Variants in HP1BP3 observed in about 807,000 individuals in gnomAD.
The protein encoded by HP1BP3 is heterochromatin protein 1 binding protein 3.
A neutral mutation model predicts 62.5 loss-of-function variants in HP1BP3; 12 were observed. The observed-to-expected ratio is 0.19, with a 90% CI of 0.12 to 0.31. The LOEUF is 0.31. Among genes scored for constraint, HP1BP3 ranks in the 10% least tolerant of loss-of-function variants. The pLI, the probability that HP1BP3 is intolerant of heterozygous loss-of-function variation, is 1.00. For missense variants in HP1BP3, 502 were observed against 651.8 expected (o/e 0.77, Z 2.50); for synonymous variants, 260 against 237.8 (o/e 1.09, Z -0.86).
Position 20,744,981 on chromosome 1 carries a change from G to A in HP1BP3, c.1478C>T (p.Pro493Leu). ...VSAAQRGKAR[P>L]LPKKAPPKAK... The stretch of plus-strand genomic sequence containing the variant: ...CTTAGGAGGTGCTTTCTTAGGCAAG[G>A]GCCTAGCTTTCCCCCGCTGGGCAGC... The change falls in exon 13 of 13, where the codon CCC becomes CTC. Residue 493 changes from proline (P) to leucine (L), a missense_variant. Pro to Leu is a moderately conservative substitution (Grantham distance 98, BLOSUM62 -3). This residue lies in a region of HP1BP3 where 194 missense variants were observed against 207.0 expected (regional missense o/e 0.94). Coordinates refer to ENST00000438032, the MANE Select transcript of HP1BP3 (RefSeq NM_001372052.1). 1.2e-6 allele frequency: 2 copies of A among 1,614,132 alleles called. No homozygotes were observed. Among genetic ancestry groups the A allele is most frequent in the Non-Finnish European group, 1.7e-6 (2 of 1,180,034 alleles).
chr1:20,765,000 C>T (rs2056704326), intron 8 of HP1BP3, among the ~76,000 whole-genome samples: 1 of 151,500 alleles, frequency 6.6e-6, no homozygotes, highest in African/African-American at 2.4e-5. Context: ...GAAACCTTGG[C>T]TCTACTAAAA....
intron 1 of HP1BP3, among the ~76,000 whole-genome samples, chr1:20,785,325 G>C (rs1425803924): frequency 6.6e-6 from 1 of 152,234 alleles, no homozygotes; most frequent in Non-Finnish European, 1.5e-5. Context: ...AAAGTGAGGA[G>C]TTTAACAACG....
intron 10 of HP1BP3, among the ~76,000 whole-genome samples, chr1:20,748,171 G>A (rs1264502232): frequency 6.6e-6 from 1 of 151,908 alleles, no homozygotes; most frequent in East Asian, 1.9e-4. Flanking sequence ...CTAAAACTAA[G>A]TATTTAATTA....
rs1286650893 is a variant in HP1BP3 at position 20,746,186 on chromosome 1, A to ATATGTGTGTGTGTGTGTG, written c.1254-531_1254-530insCACACACACACACACATA. On this transcript the variant is annotated intron_variant, in intron 11 of 12. Coordinates refer to ENST00000438032, the MANE Select transcript of HP1BP3 (RefSeq NM_001372052.1). Reference sequence around the variant, plus strand: ...CTTAAATGATAACATACATACATATATGTGTGTGTGTGTGTGTGTGTGTGT... The same window carrying ATATGTGTGTGTGTGTGTG: ...CTTAAATGATAACATACATACATATATATGTGTGTGTGTGTGTGTGTGTGTGTGTGTGTGTGTGTGTGT... Among the ~76,000 whole-genome samples the ATATGTGTGTGTGTGTGTG allele has an allele frequency of 4.5e-3, 643 of 143,226 alleles. 4 individuals carry two copies. The highest frequency in any genetic ancestry group is 0.016 in the African/African-American group (605 of 37,126). 94.0% of individuals were successfully genotyped at this position (143,226 alleles called of 152,430 possible). A position where few individuals can be genotyped will look rare whatever the true frequency, so the allele number is the denominator to read the frequency against.
chr1:20,749,423 A>G (rs2055569952), intron 10 of HP1BP3, among the ~76,000 whole-genome samples: 1 of 150,992 alleles, frequency 6.6e-6, no homozygotes, highest in Non-Finnish European at 1.5e-5. Context: ...CAATGGTGCA[A>G]TCTCGGCTCA....
At chr1:20,786,850 G>A (rs1331076104) in intron 1 of HP1BP3, among the ~76,000 whole-genome samples, 3 of 152,118 alleles carry the variant, frequency 2.0e-5, no homozygotes, top group African/African-American at 4.8e-5. Context: ...GCGGGCAGAG[G>A]ACGCCGACGC....
At position 20,776,650 on chromosome 1, in the gene HP1BP3, T is replaced by A; in HGVS notation, c.297A>T (p.Glu99Asp). The change falls in exon 4 of 13, where the codon GAA becomes GAT. Residue 99 changes from glutamate to aspartate, a missense_variant. Around this residue, in one of 5 missense-constraint regions of HP1BP3, gnomAD observed 165 missense variants for 156.4 expected, o/e 1.05. Coordinates refer to ENST00000438032, the MANE Select transcript of HP1BP3 (RefSeq NM_001372052.1). ...TTTCTTCCTTCTCTTCATTCTCAGG[T>A]TCCCCCTTTGGCTGCTCTGCCTCAC... ...TSSEAEQPKG[E>D]PENEEKEENK... 1 of 1,613,998 alleles carries A rather than the reference T, an allele frequency of 6.2e-7. No homozygotes were observed. Among genetic ancestry groups the A allele is most frequent in the Non-Finnish European group, 8.5e-7 (1 of 1,179,918 alleles).
At chr1:20,750,047 T>C (rs2055609735) in intron 9 of HP1BP3, 165 bp from the exon 10 acceptor site, 2 of 1,357,518 alleles carry the variant, frequency 1.5e-6, no homozygotes, top group South Asian at 1.6e-5. Flanking sequence ...CAACAGGTAT[T>C]CAATCTAACT....
intron 9 of HP1BP3, among the ~76,000 whole-genome samples, chr1:20,751,748 A>C (rs2055768451): frequency 6.6e-6 from 1 of 152,090 alleles, no homozygotes; most frequent in South Asian, 2.1e-4. Context: ...AACTAAAAAA[A>C]AAAAAAAGTA....
intron 1 of HP1BP3, among the ~76,000 whole-genome samples, chr1:20,781,905 C>G (rs2057568867): frequency 6.6e-6 from 1 of 152,200 alleles, no homozygotes; most frequent in Non-Finnish European, 1.5e-5. Flanking sequence ...GGATGGCAGG[C>G]GTGACCCACC....
chr1:20,786,860 C>G (rs1442646315), intron 1 of HP1BP3, among the ~76,000 whole-genome samples: 1 of 152,144 alleles, frequency 6.6e-6, no homozygotes, highest in African/African-American at 2.4e-5. Context: ...GACGCCGACG[C>G]AGGCGCGCTG....
At chr1:20,755,695 T>G (rs955222205) in intron 9 of HP1BP3, among the ~76,000 whole-genome samples, 1 of 152,178 alleles carries the variant, frequency 6.6e-6, no homozygotes, top group African/African-American at 2.4e-5. Flanking sequence ...TAAATGTTCA[T>G]AGGCAGTATT....
chr1:20,765,526 C>T lies in HP1BP3; in HGVS notation c.741G>A (p.Arg247=), dbSNP rs2056736591. 6.2e-7 allele frequency: 1 copy of T among 1,610,728 alleles called. No individual in the cohort carries two copies. The highest frequency in any genetic ancestry group is 8.5e-7 in the Non-Finnish European group (1 of 1,178,180). Residue 247 remains arginine, a synonymous_variant, in exon 8 of 13, where the codon AGG becomes AGA. Coordinates refer to ENST00000438032, the MANE Select transcript of HP1BP3 (RefSeq NM_001372052.1). ...TPQKSRNRKN[R]SSAVDPEPQV... is the part of the protein sequence containing the mutation. ...GTGGTTCTGGATCCACTGCAGAGCT[C>T]CTATTCTGAAAAGTAATTATCAAAA...
chr1:20,745,560 C>T lies in HP1BP3; in HGVS notation c.1350G>A (p.Glu450=). The T allele has an allele frequency of 6.2e-7, 1 of 1,614,134 alleles. No homozygotes were observed. Among genetic ancestry groups the T allele is most frequent in the Admixed American group, 1.7e-5 (1 of 60,028 alleles). ...GTCCACACCTTCTCTTAGGTGGCGG[C>T]TCTTCATCCTCAGAGTCTTCTTCTG... ...ESSEEDSEDE[E]PPPKRRLQKK... Residue 450 remains glutamate (E), a synonymous_variant, in exon 12 of 13, where the codon GAG becomes GAA. Coordinates refer to ENST00000438032, the MANE Select transcript of HP1BP3 (RefSeq NM_001372052.1).
chr1:20,767,892 T>C (rs2056863679), intron 6 of HP1BP3, among the ~76,000 whole-genome samples: 2 of 152,198 alleles, frequency 1.3e-5, no homozygotes, highest in Admixed American at 6.5e-5. Flanking sequence ...CTCTGAGCTT[T>C]TGTTTTCTCA....
chr1:20,777,760 A>G (rs2057369622), intron 3 of HP1BP3, among the ~76,000 whole-genome samples: 1 of 152,172 alleles, frequency 6.6e-6, no homozygotes, highest in Non-Finnish European at 1.5e-5. Flanking sequence ...GCCCAGCTAT[A>G]AAGAGAATTT....
rs149049778 is a variant in HP1BP3 at position 20,757,435 on chromosome 1, G to A, written c.891-179C>T. Among the ~76,000 whole-genome samples, 82 of 150,444 alleles carry A rather than the reference G, an allele frequency of 5.5e-4. 1 individual carries two copies. The highest frequency in any genetic ancestry group is 2.0e-3 in the African/African-American group (82 of 40,852). ...TGCCCAGGCTGGAGTGCAATGGCAC[G>A]ATATTGGCTCACTGCAACCTTCACT... On this transcript the variant is annotated intron_variant, in intron 8 of 12. Coordinates refer to ENST00000438032, the MANE Select transcript of HP1BP3 (RefSeq NM_001372052.1).
Position 20,744,748 on chromosome 1 carries a change from G to GA in HP1BP3, c.*48dup. On this transcript the variant is annotated 3_prime_UTR_variant, in exon 13 of 13. Coordinates refer to ENST00000438032, the MANE Select transcript of HP1BP3 (RefSeq NM_001372052.1). The stretch of plus-strand genomic sequence containing the variant: ...ACTAAACAAATGCACACTGACCTTA[G>GA]AAAATAAGATTTTGAATTTCATCAT... 1 of 1,495,598 alleles carries GA rather than the reference G, an allele frequency of 6.7e-7. No individual in the cohort carries two copies. The highest frequency in any genetic ancestry group is 9.1e-7 in the Non-Finnish European group (1 of 1,104,762). The allele number at this position is 1,495,598 out of a possible 1,614,324, so 92.6% of individuals were successfully genotyped here.
chr1:20,764,554 C>T (rs1342014866), intron 8 of HP1BP3, among the ~76,000 whole-genome samples: 1 of 151,338 alleles, frequency 6.6e-6, no homozygotes, highest in African/African-American at 2.4e-5. Context: ...TAGAGTAACT[C>T]TTTTAATGTT....
Sources: allele counts gnomAD v4.1 joint callset (sites outside exome capture counted in the v4.1 genomes callset), GRCh38; gene constraint gnomAD v4.1.1; regional missense constraint gnomAD v4.1.1; transcripts MANE v1.5; gene names NCBI Gene and HGNC (gene_info 2026-07-23, HGNC 2026-07-21).